The following HMCN2 variants were observed in gnomAD, a reference collection of about 807,000 sequenced individuals.
HMCN2 encodes the protein hemicentin-2.
HMCN2 carries 325 observed loss-of-function variants against 377.5 expected under a neutral mutation model. That is an observed-to-expected ratio of 0.86 (90% CI 0.79 to 0.94). HMCN2 has a LOEUF of 0.94. Among genes scored for constraint, HMCN2 ranks in the 40% least tolerant of loss-of-function variants. The pLI is 0.00. For missense variants in HMCN2, 4,543 were observed against 4,725.3 expected (o/e 0.96, Z 1.13); for synonymous variants, 2,007 against 2,046.8 (o/e 0.98, Z 0.53).
rs1391774384 is a variant in HMCN2, at chr9:130,365,648, G to A, written c.6426G>A (p.Val2142=). 7 of 985,914 alleles carry A rather than the reference G, an allele frequency of 7.1e-6. No individual in the cohort carries two copies. In the Admixed American group the frequency reaches 4.3e-4, roughly 61 times the overall value. The allele number at this position is 985,914 out of a possible 1,614,324, so 61.1% of individuals were successfully genotyped here. The change falls in exon 42 of 98, where the codon GTG becomes GTA. Residue 2142 remains valine, a synonymous_variant. Coordinates refer to ENST00000683500, the MANE Select transcript of HMCN2 (RefSeq NM_001291815.2). ...KALLQVDRAD[V]WDAGHYTCEA... is the part of the protein sequence containing the mutation. ...TCTGCCAGGTGGACAGAGCCGATGT[G>A]TGGGATGCGGGCCATTACACCTGTG... is the stretch of plus-strand genomic sequence containing the variant.
At chr9:130,398,147 CG>C (rs1238727465) in intron 74 of HMCN2, among the ~76,000 whole-genome samples, 2 of 95,964 alleles carry the variant, frequency 2.1e-5, no homozygotes, top group African/African-American at 5.0e-5. Context: ...AGTAAGACTC[CG>C]TCTACAAAAA....
rs146554897 is a variant in HMCN2 at position 130,373,879 on chromosome 9, CATGGATGG to C, written c.7439-593_7439-586del. 2.7e-3 allele frequency among the ~76,000 whole-genome samples: 348 copies of C among 130,518 alleles called. 3 individuals are homozygous for C. The highest frequency in any genetic ancestry group is 2.8e-3 in the Non-Finnish European group (176 of 63,164). 85.6% of individuals were successfully genotyped at this position (130,518 alleles called of 152,430 possible). On this transcript the variant is annotated intron_variant, in intron 48 of 97. Transcript: ENST00000683500. ...GGATGGATGGATGTGTGGATGGGTGCATGGATGGATGGATGGATGGATGGATGGATGGA... is the reference window on the plus strand; with the variant it reads ...GGATGGATGGATGTGTGGATGGGTGCATGGATGGATGGATGGATGGATGGA...
intron 60 of HMCN2, among the ~76,000 whole-genome samples, chr9:130,386,192 C>G (rs1842013162): frequency 6.6e-6 from 1 of 152,198 alleles, no homozygotes; most frequent in Non-Finnish European, 1.5e-5. Context: ...CAAGGGGGAC[C>G]TCTTCCTGCC....
intron 85 of HMCN2, among the ~76,000 whole-genome samples, chr9:130,412,578 T>TTTTTGTTTTAA (rs1843485420): frequency 6.6e-6 from 1 of 150,480 alleles, no homozygotes; most frequent in African/African-American, 2.4e-5. Context: ...TTTTTTTTTT[T>TTTTTGTTTTAA]TTGTTTTAAT....
At chr9:130,386,421 C>A in intron 60 of HMCN2, 22 bp from the exon 61 acceptor site, 2 of 1,298,144 alleles carry the variant, frequency 1.5e-6, no homozygotes, top group Non-Finnish European at 2.0e-6. Flanking sequence ...CACACAGCCA[C>A]TGTGTGCTCT....
chr9:130,396,913 C>A (rs575208584), intron 73 of HMCN2, among the ~76,000 whole-genome samples: 1 of 152,154 alleles, frequency 6.6e-6, no homozygotes, highest in Non-Finnish European at 1.5e-5. Context: ...GAGGTCAAGC[C>A]CAGGAGGGTG....
At chr9:130,410,169 A>G (rs1480192167) in intron 84 of HMCN2, among the ~76,000 whole-genome samples, 1 of 152,184 alleles carries the variant, frequency 6.6e-6, no homozygotes, top group Non-Finnish European at 1.5e-5. Context: ...GTACCATAAC[A>G]TGTTGTCAAC....
intron 62 of HMCN2, among the ~76,000 whole-genome samples, chr9:130,389,953 C>T (rs769996296): frequency 3.9e-5 from 6 of 152,182 alleles, no homozygotes; most frequent in Admixed American, 6.5e-5. Flanking sequence ...GTGGCTGTGT[C>T]GCGTGTTGTG....
chr9:130,402,578 A>G (rs1842902922), intron 77 of HMCN2, among the ~76,000 whole-genome samples: 1 of 152,214 alleles, frequency 6.6e-6, no homozygotes, highest in Non-Finnish European at 1.5e-5. Flanking sequence ...CAGAGAGTGG[A>G]AGGAACTCGC....
Position 130,384,675 on chromosome 9 carries a change from C to A in HMCN2, c.8993-10C>A. ...GAATGCTGGTGTGAGGGGCTGGCTT[C>A]CCCCGGCAGGCACCCACACGCTGCA... On this transcript the variant is annotated splice_polypyrimidine_tract_variant and intron_variant, in intron 58 of 97. Coordinates refer to ENST00000683500, the MANE Select transcript of HMCN2 (RefSeq NM_001291815.2). 3.1e-6 allele frequency: 4 copies of A among 1,301,784 alleles called. No homozygotes were observed. In the South Asian group the frequency reaches 4.9e-5, roughly 16 times the overall value. The allele number at this position is 1,301,784 out of a possible 1,614,324, so 80.6% of individuals were successfully genotyped here.
chr9:130,278,217 C>A (rs1457208522), intron 1 of HMCN2, among the ~76,000 whole-genome samples: 1 of 152,158 alleles, frequency 6.6e-6, no homozygotes, highest in African/African-American at 2.4e-5. Context: ...CTCCGCCTCC[C>A]AGGTTCACGC....
chr9:130,376,516 TC>T lies in HMCN2; in HGVS notation c.7925del (p.Pro2642LeufsTer14), dbSNP rs1841385730. On this transcript the variant is annotated frameshift_variant and splice_region_variant, in exon 52 of 98. Coordinates refer to ENST00000683500, the MANE Select transcript of HMCN2 (RefSeq NM_001291815.2). LOFTEE classifies it high-confidence loss of function. ...CTCTCAGACCCCTCGTGCTTTTCAG[TC>T]CCCCCTTCCATCTCCAAAGACGACC... ...AVKNYHVEVL[I>X]PPSISKDDPL... 4.1e-6 allele frequency: 4 copies of T among 985,282 alleles called. No individual in the cohort carries two copies. Among genetic ancestry groups the T allele is most frequent in the South Asian group, 4.7e-5 (1 of 21,256 alleles). 61.0% of individuals were successfully genotyped at this position (985,282 alleles called of 1,614,324 possible).
chr9:130,409,926 G>C (rs542806038), intron 84 of HMCN2, among the ~76,000 whole-genome samples: 1 of 152,194 alleles, frequency 6.6e-6, no homozygotes. Flanking sequence ...AGGCCCATCT[G>C]ATGGTGGCGC....
intron 15 of HMCN2, among the ~76,000 whole-genome samples, chr9:130,314,277 C>T (rs1316622206): frequency 6.6e-6 from 1 of 152,144 alleles, no homozygotes; most frequent in African/African-American, 2.4e-5. Flanking sequence ...GGGGCCATGG[C>T]GAGGCGACTT....
At chr9:130,333,967 C>A (rs1352506418) in intron 22 of HMCN2, among the ~76,000 whole-genome samples, 5 of 152,122 alleles carry the variant, frequency 3.3e-5, no homozygotes, top group African/African-American at 4.8e-5. Context: ...TGGTGACAAG[C>A]CAGTGTGGTG....
Position 130,382,300 on chromosome 9 carries a change from G to T in HMCN2, c.8545+3G>T. 3.0e-6 allele frequency: 3 copies of T among 984,786 alleles called. No individual in the cohort carries two copies. 61.0% of individuals were successfully genotyped at this position (984,786 alleles called of 1,614,324 possible). ...GCACTACGAGCTGCTGGTGCTGAGT[G>T]AGTGGCGGGGCCTGCAGGTGGGGAT... On this transcript the variant is annotated splice_donor_region_variant and intron_variant, in intron 55 of 97. Coordinates refer to ENST00000683500, the MANE Select transcript of HMCN2 (RefSeq NM_001291815.2).
intron 1 of HMCN2, among the ~76,000 whole-genome samples, chr9:130,267,582 A>G (rs1834190173): frequency 6.6e-6 from 1 of 152,182 alleles, no homozygotes; most frequent in Admixed American, 6.6e-5. Context: ...AGGGATTTGC[A>G]TTTATTAATC....
intron 22 of HMCN2, among the ~76,000 whole-genome samples, chr9:130,335,769 C>T (rs1564792349): frequency 6.6e-6 from 1 of 152,108 alleles, no homozygotes; most frequent in Admixed American, 6.5e-5. Context: ...CACCAGGACA[C>T]CTGCCGTCAA....
At chr9:130,388,677 C>T (rs952007836) in intron 62 of HMCN2, 137 bp downstream of exon 62, 4 of 377,980 alleles carry the variant, frequency 1.1e-5, no homozygotes, top group Non-Finnish European at 1.5e-5. Flanking sequence ...GTGTTGCCCC[C>T]CCCCCCACCA....
Sources: gnomAD v4.1 joint callset for allele counts (sites outside exome capture counted in the v4.1 genomes callset) on GRCh38, gnomAD v4.1.1 for gene constraint, MANE v1.5 for transcripts, NCBI Gene and HGNC (gene_info 2026-07-23, HGNC 2026-07-21) for gene names.